Variants in IL1RAPL2 observed in about 807,000 individuals in gnomAD.
The protein encoded by IL1RAPL2 is interleukin 1 receptor accessory protein like 2.
IL1RAPL2 carries 3 observed loss-of-function variants against 44.1 expected under a neutral mutation model. That is an observed-to-expected ratio of 0.07 (90% CI 0.03 to 0.18). The LOEUF is 0.18. Among genes scored for constraint, IL1RAPL2 ranks in the 10% least tolerant of loss-of-function variants. IL1RAPL2 has a pLI of 1.00. For synonymous variants in IL1RAPL2, 181 were observed against 178.8 expected (o/e 1.01, Z -0.10); for missense variants, 391 against 496.4 (o/e 0.79, Z 2.02).
chrX:105,555,151 A>G (rs781153544), intron 6 of IL1RAPL2, among the ~76,000 whole-genome samples: 2 of 108,825 alleles, frequency 1.8e-5, no homozygotes, highest in African/African-American at 6.7e-5. Context: ...ACAAAGATTA[A>G]GGAGTTTCCC....
chrX:104,625,027 T>C (rs948070311), intron 1 of IL1RAPL2, among the ~76,000 whole-genome samples: 4 of 112,087 alleles, frequency 3.6e-5, no homozygotes, highest in African/African-American at 6.5e-5. Context: ...TAAGCAGGCA[T>C]TACTCTTGTG....
intron 6 of IL1RAPL2, among the ~76,000 whole-genome samples, chrX:105,524,909 T>C (rs1282849374): frequency 9.0e-6 from 1 of 111,494 alleles, no homozygotes; most frequent in Non-Finnish European, 1.9e-5. Context: ...TGAATTTATA[T>C]ATGAAAAGTG....
At chrX:104,818,298 C>T (rs1162403945) in intron 2 of IL1RAPL2, among the ~76,000 whole-genome samples, 2 of 96,818 alleles carry the variant, frequency 2.1e-5, no homozygotes, top group Admixed American at 2.3e-4. Context: ...GAGCCAAGAT[C>T]GCGCCACTGC....
Position 105,402,045 on chromosome X carries a change from G to T in IL1RAPL2, c.698-82268G>T, listed in dbSNP as rs373343739. On this transcript the variant is annotated intron_variant, in intron 5 of 10. Transcript: ENST00000372582. ...TAAAATTAAACTATTACTATGTTTT[G>T]TTCATGGGACATGTTACATCAGGGG... 5.2e-3 allele frequency among the ~76,000 whole-genome samples: 575 copies of T among 110,563 alleles called. 6 individuals carry two copies. The highest frequency in any genetic ancestry group is 0.018 in the African/African-American group (544 of 30,596).
intron 5 of IL1RAPL2, among the ~76,000 whole-genome samples, chrX:105,411,052 C>T (rs957540578): frequency 1.8e-5 from 2 of 111,847 alleles, no homozygotes; most frequent in African/African-American, 6.5e-5. Context: ...AAATCTAGAG[C>T]ATTTTTATGC....
At chrX:104,829,104 C>T (rs963295833) in intron 2 of IL1RAPL2, among the ~76,000 whole-genome samples, 8 of 111,872 alleles carry the variant, frequency 7.2e-5, no homozygotes, top group Non-Finnish European at 1.3e-4. Context: ...CCACTTGGCT[C>T]CCTGGCTTCA....
intron 5 of IL1RAPL2, among the ~76,000 whole-genome samples, chrX:105,469,963 A>G (rs2036155159): frequency 9.0e-6 from 1 of 111,429 alleles, no homozygotes; most frequent in Non-Finnish European, 1.9e-5. Context: ...CTCTTCTTCA[A>G]TGAATGTAGC....
At chrX:104,927,485 G>C (rs1322627117) in intron 2 of IL1RAPL2, among the ~76,000 whole-genome samples, 2 of 111,402 alleles carry the variant, frequency 1.8e-5, no homozygotes, top group African/African-American at 6.5e-5. Context: ...TAGATTTGTT[G>C]AATTAATGTT....
rs758780192 is a variant in IL1RAPL2, at chrX:104,782,699, G to C, written c.82+123704G>C. ...ACCTTATTCAACTAGAAAGGAGAAT[G>C]TTGCCCCCTGGAAATATCAGCAATG... On this transcript the variant is annotated intron_variant, in intron 2 of 10. Coordinates refer to ENST00000372582, the MANE Select transcript of IL1RAPL2 (RefSeq NM_017416.2). Among the ~76,000 whole-genome samples, 8 of 111,343 alleles carry C rather than the reference G, an allele frequency of 7.2e-5. No individual in the cohort carries two copies. The East Asian group carries it at 2.0e-3, about 28-fold the overall frequency.
At chrX:105,231,941 C>T (rs1356198830) in intron 3 of IL1RAPL2, among the ~76,000 whole-genome samples, 1 of 112,279 alleles carries the variant, frequency 8.9e-6, no homozygotes, top group Non-Finnish European at 1.9e-5. Context: ...GTGGCTTTAG[C>T]TTCATGGCAT....
At chrX:104,661,429 T>G (rs1930398725) in intron 2 of IL1RAPL2, among the ~76,000 whole-genome samples, 1 of 111,414 alleles carries the variant, frequency 9.0e-6, no homozygotes, top group Non-Finnish European at 1.9e-5. Context: ...TGTCTCTGTG[T>G]GTTTTTTGTT....
intron 6 of IL1RAPL2, among the ~76,000 whole-genome samples, chrX:105,666,400 G>A (rs984205297): frequency 2.1e-4 from 23 of 111,150 alleles, no homozygotes; most frequent in Admixed American, 1.1e-3. Context: ...GGTTAGTGAG[G>A]GATTTAGTGT....
intron 5 of IL1RAPL2, among the ~76,000 whole-genome samples, chrX:105,323,635 G>T (rs2034912880): frequency 9.0e-6 from 1 of 111,552 alleles, no homozygotes. Flanking sequence ...CAGCACTTTG[G>T]GAGGCCAAGG....
At chrX:105,074,126 T>A (rs2147540642) in intron 2 of IL1RAPL2, among the ~76,000 whole-genome samples, 1 of 111,828 alleles carries the variant, frequency 8.9e-6, no homozygotes, top group African/African-American at 3.3e-5. Context: ...CATGCCTATG[T>A]CCTGAATGGT....
chrX:104,813,096 G>T (rs759697317), intron 2 of IL1RAPL2, among the ~76,000 whole-genome samples: 33 of 112,111 alleles, frequency 2.9e-4, no homozygotes, highest in Admixed American at 2.6e-3. Flanking sequence ...CCTTGATTAC[G>T]TGAATGTTGT....
At chrX:105,410,661 C>T (rs2035688825) in intron 5 of IL1RAPL2, among the ~76,000 whole-genome samples, 1 of 111,366 alleles carries the variant, frequency 9.0e-6, no homozygotes, top group Non-Finnish European at 1.9e-5. Flanking sequence ...AATACTATAT[C>T]CAGCAAAGTA....
At chrX:105,110,868 CAG>C (rs1325146542) in intron 2 of IL1RAPL2, among the ~76,000 whole-genome samples, 1 of 111,374 alleles carries the variant, frequency 9.0e-6, no homozygotes, top group Non-Finnish European at 1.9e-5. Flanking sequence ...ACCCAGGAGA[CAG>C]AGGTTGTGGT....
At chrX:104,776,760 C>G (rs934190099) in intron 2 of IL1RAPL2, among the ~76,000 whole-genome samples, 7 of 111,966 alleles carry the variant, frequency 6.3e-5, no homozygotes, top group African/African-American at 2.3e-4. Context: ...GTACAGAGTT[C>G]CCATATACCC....
chrX:104,916,210 A>G (rs375580705), intron 2 of IL1RAPL2, among the ~76,000 whole-genome samples: 7 of 111,559 alleles, frequency 6.3e-5, no homozygotes, highest in Non-Finnish European at 7.5e-5. Flanking sequence ...AGCATGGAAT[A>G]TTCTTCCATT....
Sources: allele counts gnomAD v4.1 joint callset (sites outside exome capture counted in the v4.1 genomes callset), GRCh38; gene constraint gnomAD v4.1.1; transcripts MANE v1.5; gene names NCBI Gene and HGNC (gene_info 2026-07-23, HGNC 2026-07-21).